ARHGEF6: variants seen among roughly 807,000 people sequenced by gnomAD.
ARHGEF6 encodes the protein rho guanine nucleotide exchange factor 6.
A neutral mutation model predicts 70.3 loss-of-function variants in ARHGEF6; 9 were observed. The ratio of observed to expected loss-of-function variants is 0.13; its 90% confidence interval spans 0.08 to 0.22. The LOEUF is 0.22. Ranked by LOEUF, ARHGEF6 falls within the 10% of genes least tolerant of loss-of-function variation. ARHGEF6 has a pLI of 1.00. For synonymous variants in ARHGEF6, 201 were observed against 207.8 expected (o/e 0.97, Z 0.28); for missense variants, 470 against 563.0 (o/e 0.83, Z 1.67).
chrX:136,777,787 C>CACACACACA (rs767698755), intron 2 of ARHGEF6, among the ~76,000 whole-genome samples: 3 of 109,287 alleles, frequency 2.7e-5, no homozygotes, highest in Admixed American at 9.8e-5. Context: ...CACACACACA[C>CACACACACA]CATGGAATAC....
intron 6 of ARHGEF6, among the ~76,000 whole-genome samples, chrX:136,726,565 G>A (rs2076854858): frequency 9.0e-6 from 1 of 111,626 alleles, no homozygotes; most frequent in East Asian, 2.8e-4. Context: ...AAATGAGGGT[G>A]AGCAGAAGGC....
chrX:136,708,834 T>C, intron 7 of ARHGEF6, 64 bp from the exon 8 acceptor site: 2 of 861,105 alleles, frequency 2.3e-6, no homozygotes, highest in Non-Finnish European at 3.4e-6. Context: ...AGTTTGCTAA[T>C]ATATGGTAAA....
chrX:136,678,444 G>A (rs1416902886), intron 16 of ARHGEF6, among the ~76,000 whole-genome samples: 1 of 111,950 alleles, frequency 8.9e-6, no homozygotes, highest in Non-Finnish European at 1.9e-5. Context: ...AGAATTGCAC[G>A]TAAATTTCCA....
intron 12 of ARHGEF6, 73 bp downstream of exon 12, chrX:136,685,604 C>CAAAA: frequency 1.5e-5 from 14 of 934,975 alleles, no homozygotes; most frequent in African/African-American, 5.7e-5. Flanking sequence ...AAGACTCCGT[C>CAAAA]AAAAAAAAAA....
At chrX:136,700,256 G>A (rs1187992029) in intron 9 of ARHGEF6, among the ~76,000 whole-genome samples, 1 of 111,463 alleles carries the variant, frequency 9.0e-6, no homozygotes, top group Non-Finnish European at 1.9e-5. Context: ...GGGCGCGGTG[G>A]CTCAGGCCTG....
At chrX:136,762,682 G>A (rs1370934410) in intron 2 of ARHGEF6, among the ~76,000 whole-genome samples, 3 of 110,899 alleles carry the variant, frequency 2.7e-5, no homozygotes, top group Non-Finnish European at 5.7e-5. Flanking sequence ...AGTAGAGATG[G>A]GGTTTCATCA....
At chrX:136,683,390 C>G (rs1402480176) in intron 12 of ARHGEF6, among the ~76,000 whole-genome samples, 1 of 110,881 alleles carries the variant, frequency 9.0e-6, no homozygotes, top group East Asian at 2.8e-4. Flanking sequence ...CGGAGTTTCG[C>G]TCTTTTTGCC....
In ARHGEF6 at chrX:136,779,553, T is replaced by C. The variant is rs376298199; in HGVS notation, c.166-56A>G. 7.5e-5 allele frequency: 78 copies of C among 1,037,797 alleles called. No homozygotes were observed. In the African/African-American group the frequency reaches 1.3e-3, roughly 17 times the overall value. The allele number at this position is 1,037,797 out of a possible 1,213,427, so 85.5% of individuals were successfully genotyped here. On this transcript the variant is annotated intron_variant, in intron 1 of 21. Coordinates refer to ENST00000250617, the MANE Select transcript of ARHGEF6 (RefSeq NM_004840.3). Reference sequence around the variant, plus strand: ...GATTGTCATCCCATGCCAAGCAAAGTATACTCATCATTTGCTGATAACTAG... The same window carrying C: ...GATTGTCATCCCATGCCAAGCAAAGCATACTCATCATTTGCTGATAACTAG...
Position 136,681,918 on chromosome X carries a change from T to C in ARHGEF6, c.1530A>G (p.Glu510=), listed in dbSNP as rs1297081506. 8.3e-7 allele frequency: 1 copy of C among 1,207,806 alleles called. No individual in the cohort carries two copies. The highest frequency in any genetic ancestry group is 1.7e-5 in the African/African-American group (1 of 57,252). ...TGATTTCAAATGTGCAGTCATTCCC[T>C]TCAATTTCATCTAATCTAGTCACCA... ...GTVVTRLDEI[E]GNDCTFEITG... The change falls in exon 14 of 22, where the codon GAA becomes GAG. Residue 510 remains glutamate (E), a synonymous_variant. Coordinates refer to ENST00000250617, the MANE Select transcript of ARHGEF6 (RefSeq NM_004840.3).
At chrX:136,687,589 A>C (rs1412705458) in intron 11 of ARHGEF6, among the ~76,000 whole-genome samples, 4 of 112,209 alleles carry the variant, frequency 3.6e-5, no homozygotes, top group Non-Finnish European at 7.5e-5. Context: ...ATTGATGCAA[A>C]TCAGTGAATG....
rs889623931 is a variant in ARHGEF6 at position 136,708,763 on chromosome X, T to C, written c.835A>G (p.Thr279Ala). ...CCCAGTAAAGATGTAACCTCCACAG[T>C]ACTCAGACTGAAAAAAAAATACAGT... ...RPLQSNNNLS[T>A]VEVTSLLGNF... is the part of the protein sequence containing the mutation. Residue 279 changes from threonine to alanine, a missense_variant, in exon 8 of 22, where the codon ACT becomes GCT. Physicochemically the swap from Thr to Ala is moderately conservative, Grantham distance 58 (BLOSUM62 0). Around this residue, in one of 3 missense-constraint regions of ARHGEF6, gnomAD observed 379 missense variants for 449.3 expected, o/e 0.84. Transcript: ENST00000250617. 2 of 1,188,824 alleles carry C rather than the reference T, an allele frequency of 1.7e-6. No individual in the cohort carries two copies. The highest frequency in any genetic ancestry group is 2.3e-6 in the Non-Finnish European group (2 of 875,915).
At chrX:136,744,446 C>A (rs1375328673) in intron 4 of ARHGEF6, among the ~76,000 whole-genome samples, 1 of 111,637 alleles carries the variant, frequency 9.0e-6, no homozygotes, top group Non-Finnish European at 1.9e-5. Flanking sequence ...TTTAGAGAAT[C>A]TGATGAGCAC....
rs1226260701 is a variant in ARHGEF6 at position 136,685,800 on chromosome X, C to T, written c.1269G>A (p.Lys423=). The T allele has an allele frequency of 1.7e-6, 2 of 1,211,333 alleles. No individual in the cohort carries two copies. The highest frequency in any genetic ancestry group is 2.2e-5 in the Admixed American group (1 of 46,006). The stretch of plus-strand genomic sequence containing the variant: ...GTATCTGTAACTCCAGCTGTTTTCT[C>T]TTCCTCAGATCTTGACATTGCCCCT... ...TLMGQCQDLR[K]RKQLELQILS... is the part of the protein sequence containing the mutation. Residue 423 remains lysine (K), a synonymous_variant, in exon 12 of 22, where the codon AAG becomes AAA. Coordinates refer to ENST00000250617, the MANE Select transcript of ARHGEF6 (RefSeq NM_004840.3).
chrX:136,669,358 C>G (rs1039323922), intron 21 of ARHGEF6, 124 bp downstream of exon 21: 11 of 600,388 alleles, frequency 1.8e-5, no homozygotes, highest in Non-Finnish European at 3.1e-5. Flanking sequence ...CTTGATGACA[C>G]AAGGAAAACA....
intron 2 of ARHGEF6, among the ~76,000 whole-genome samples, chrX:136,759,439 A>G (rs1006144446): frequency 9.0e-6 from 1 of 111,347 alleles, no homozygotes; most frequent in African/African-American, 3.3e-5. Flanking sequence ...CAAGAGTTCA[A>G]GACCAGCCTG....
At chrX:136,716,659 T>C (rs961417690) in intron 6 of ARHGEF6, among the ~76,000 whole-genome samples, 4 of 112,267 alleles carry the variant, frequency 3.6e-5, no homozygotes, top group Admixed American at 2.8e-4. Context: ...GTTAGAATTA[T>C]CAGACCAGTG....
At chrX:136,690,543 G>A in intron 10 of ARHGEF6, 67 bp downstream of exon 10, 2 of 1,178,445 alleles carry the variant, frequency 1.7e-6, no homozygotes, top group Non-Finnish European at 2.3e-6. Flanking sequence ...GAGGCAAATT[G>A]GCTGCGTCCT....
rs773622188 is a variant in ARHGEF6, at chrX:136,681,855, G to A, written c.1558+35C>T. ...ATTCCCCTTCATTCCAAAAAGAATT[G>A]GAAGTAGTTACATGAAAAAGAGAAA... On this transcript the variant is annotated intron_variant, in intron 14 of 21. Coordinates refer to ENST00000250617, the MANE Select transcript of ARHGEF6 (RefSeq NM_004840.3). 16 of 1,084,429 alleles carry A rather than the reference G, an allele frequency of 1.5e-5. No individual in the cohort carries two copies. The South Asian group carries it at 3.0e-4, about 20-fold the overall frequency. 89.4% of individuals were successfully genotyped at this position (1,084,429 alleles called of 1,213,427 possible). A position where few individuals can be genotyped will look rare whatever the true frequency, so the allele number is the denominator to read the frequency against.
At chrX:136,720,618 C>T (rs1603344104) in intron 6 of ARHGEF6, among the ~76,000 whole-genome samples, 2 of 111,456 alleles carry the variant, frequency 1.8e-5, no homozygotes, top group Non-Finnish European at 3.8e-5. Flanking sequence ...AGAGTGTTCC[C>T]TCACACCACT....
Sources: allele counts gnomAD v4.1 joint callset (sites outside exome capture counted in the v4.1 genomes callset), GRCh38; gene constraint gnomAD v4.1.1; regional missense constraint gnomAD v4.1.1; transcripts MANE v1.5; gene names NCBI Gene and HGNC (gene_info 2026-07-23, HGNC 2026-07-21).